The following SNAPC1 variants were observed in gnomAD, a reference collection of about 807,000 sequenced individuals.
SNAPC1 encodes the protein small nuclear RNA activating complex polypeptide 1, also known as snRNA-activating protein complex subunit 1.
Under a neutral mutation model 50.1 loss-of-function variants are expected in SNAPC1, and 42 were observed. The observed-to-expected ratio is 0.84, with a 90% CI of 0.65 to 1.08. SNAPC1 has a LOEUF of 1.08. Ranked by LOEUF, SNAPC1 falls within the 50% of genes least tolerant of loss-of-function variation. The pLI is 0.00. For missense variants in SNAPC1, 477 were observed against 427.3 expected (o/e 1.12, Z -1.02); for synonymous variants, 164 against 144.2 (o/e 1.14, Z -0.98).
chr14:61,784,634 T>C (rs2045101609), intron 8 of SNAPC1, among the ~76,000 whole-genome samples: 1 of 152,240 alleles, frequency 6.6e-6, no homozygotes, highest in Non-Finnish European at 1.5e-5. Context: ...GTGGTTGTAG[T>C]CCAGTAAAAC....
chr14:61,772,501 C>A (rs896460032), intron 4 of SNAPC1, among the ~76,000 whole-genome samples: 1 of 152,164 alleles, frequency 6.6e-6, no homozygotes, highest in Non-Finnish European at 1.5e-5. Flanking sequence ...CCTTGGCCTC[C>A]CAAAGTGCTG....
At chr14:61,770,444 G>T (rs1197047790) in intron 4 of SNAPC1, among the ~76,000 whole-genome samples, 1 of 151,958 alleles carries the variant, frequency 6.6e-6, no homozygotes, top group Non-Finnish European at 1.5e-5. Flanking sequence ...AGGTTTCACT[G>T]TGTTGACCAG....
At chr14:61,767,964 G>C (rs1044530306) in intron 3 of SNAPC1, among the ~76,000 whole-genome samples, 15 of 152,180 alleles carry the variant, frequency 9.9e-5, no homozygotes, top group Non-Finnish European at 4.4e-5. Context: ...ATTTTTAGTA[G>C]AGATGGGGTT....
At chr14:61,783,719 T>TAGTAGAGACGGGGTTG (rs1444753964) in intron 8 of SNAPC1, among the ~76,000 whole-genome samples, 3 of 151,972 alleles carry the variant, frequency 2.0e-5, no homozygotes, top group South Asian at 4.2e-4. Flanking sequence ...TTTGTATTTT[T>TAGTAGAGACGGGGTTG]AGTAGAGACG....
intron 1 of SNAPC1, among the ~76,000 whole-genome samples, chr14:61,763,377 C>T (rs950936856): frequency 6.6e-6 from 1 of 152,004 alleles, no homozygotes; most frequent in African/African-American, 2.4e-5. Flanking sequence ...TTTGGGATAA[C>T]GCTTGAATTC....
chr14:61,794,819 C>T, intron 9 of SNAPC1, 130 bp from the exon 10 acceptor site: 1 of 702,932 alleles, frequency 1.4e-6, no homozygotes, highest in Non-Finnish European at 2.5e-6. Flanking sequence ...TTGTGTTGTA[C>T]CAGTTAGACG....
chr14:61,770,854 G>A (rs1555341188), intron 4 of SNAPC1, among the ~76,000 whole-genome samples: 1 of 152,080 alleles, frequency 6.6e-6, no homozygotes, highest in Non-Finnish European at 1.5e-5. Context: ...TGATACTCAT[G>A]CCTCAGCCTC....
At chr14:61,793,025 A>AC in intron 9 of SNAPC1, 123 bp downstream of exon 9, 1 of 530,890 alleles carries the variant, frequency 1.9e-6, no homozygotes, top group East Asian at 3.3e-5. Flanking sequence ...TTCATCTTTG[A>AC]CCCATTGGAG....
intron 8 of SNAPC1, 41 bp from the exon 9 acceptor site, chr14:61,792,765 AT>A: frequency 6.3e-6 from 7 of 1,119,218 alleles, no homozygotes; most frequent in Non-Finnish European, 9.0e-6. Flanking sequence ...AGATTATAAT[AT>A]TCTTTGCTTT....
chr14:61,775,341 C>T (rs1401524004), intron 4 of SNAPC1, among the ~76,000 whole-genome samples: 5 of 151,832 alleles, frequency 3.3e-5, no homozygotes, highest in African/African-American at 4.8e-5. Flanking sequence ...CTGCAACCTC[C>T]GCCTCCCGGG....
At chr14:61,784,382 TA>T (rs2045100042) in intron 8 of SNAPC1, among the ~76,000 whole-genome samples, 2 of 152,190 alleles carry the variant, frequency 1.3e-5, no homozygotes, top group African/African-American at 4.8e-5. Context: ...ACCACATCAA[TA>T]GGTTAAAGGG....
chr14:61,782,579 T>A (rs2045084016), intron 8 of SNAPC1, among the ~76,000 whole-genome samples, 182 bp downstream of exon 8: 3 of 152,120 alleles, frequency 2.0e-5, no homozygotes, highest in Non-Finnish European at 4.4e-5. Flanking sequence ...AAAGGGATCC[T>A]AGGAATCATA....
rs993790842 is a variant in SNAPC1, at chr14:61,778,913, A to T, written c.825+3A>T. 6.7e-7 allele frequency: 1 copy of T among 1,497,750 alleles called. No individual in the cohort carries two copies. The highest frequency in any genetic ancestry group is 1.4e-5 in the African/African-American group (1 of 70,164). The allele number at this position is 1,497,750 out of a possible 1,614,324, so 92.8% of individuals were successfully genotyped here. A position where few individuals can be genotyped will look rare whatever the true frequency, so the allele number is the denominator to read the frequency against. On this transcript the variant is annotated splice_donor_region_variant and intron_variant, in intron 7 of 9. Coordinates refer to ENST00000216294, the MANE Select transcript of SNAPC1 (RefSeq NM_003082.4). ...AGGCCTTTTCAGTTGTCATACAGGT[A>T]AGTTATTCTTTAATAAGGTAATTTG...
At chr14:61,792,080 G>A (rs2045155828) in intron 8 of SNAPC1, among the ~76,000 whole-genome samples, 1 of 149,288 alleles carries the variant, frequency 6.7e-6, no homozygotes, top group Non-Finnish European at 1.5e-5. Context: ...TGCAGCCTGG[G>A]TGACAGAGTG....
At chr14:61,785,606 T>C (rs2045110374) in intron 8 of SNAPC1, among the ~76,000 whole-genome samples, 1 of 152,130 alleles carries the variant, frequency 6.6e-6, no homozygotes, top group Non-Finnish European at 1.5e-5. Flanking sequence ...CGGGATACAG[T>C]TTGCTTTTAT....
rs779670803 is a variant in SNAPC1, at chr14:61,767,312, G to T, written c.389G>T (p.Arg130Leu). The T allele has an allele frequency of 1.3e-6, 2 of 1,518,798 alleles. No individual in the cohort carries two copies. Among genetic ancestry groups the T allele is most frequent in the South Asian group, 2.7e-5 (2 of 74,982 alleles). The allele number at this position is 1,518,798 out of a possible 1,614,324, so 94.1% of individuals were successfully genotyped here. The stretch of plus-strand genomic sequence containing the variant: ...GCAGCTTATATTTTTAGGAAGCTAC[G>T]ACTAGACAGAGCATTTCACTTTACA... ...FDAAYIFRKL[R>L]LDRAFHFTAM... Residue 130 changes from arginine to leucine, a missense_variant, in exon 3 of 10, where the codon CGA becomes CTA. Transcript: ENST00000216294.
At position 61,776,536 on chromosome 14, in the gene SNAPC1, T is replaced by G. The variant is rs190788123; in HGVS notation, c.693+283T>G. Reference sequence around the variant, plus strand: ...ACAGACTTTATAATTTGGCATTTTTTAGGGGTTGCACACTCAGTCTTTGGG... The same window carrying G: ...ACAGACTTTATAATTTGGCATTTTTGAGGGGTTGCACACTCAGTCTTTGGG... On this transcript the variant is annotated intron_variant, in intron 5 of 9. Coordinates refer to ENST00000216294, the MANE Select transcript of SNAPC1 (RefSeq NM_003082.4). Among the ~76,000 whole-genome samples the G allele has an allele frequency of 2.6e-5, 4 of 152,346 alleles. No individual in the cohort carries two copies. The East Asian group carries it at 7.7e-4, about 29-fold the overall frequency.
chr14:61,775,822 T>C (rs528480785), intron 4 of SNAPC1, among the ~76,000 whole-genome samples: 3 of 152,358 alleles, frequency 2.0e-5, no homozygotes, highest in African/African-American at 7.2e-5. Context: ...AACTGATTTG[T>C]CTTTCCCCAA....
At chr14:61,782,206 C>A in intron 7 of SNAPC1, 41 bp from the exon 8 acceptor site, 1 of 1,411,360 alleles carries the variant, frequency 7.1e-7, no homozygotes, top group South Asian at 1.4e-5. Flanking sequence ...CATTTGGATT[C>A]ATTTTATAAT....
Sources: gnomAD v4.1 joint callset for allele counts (sites outside exome capture counted in the v4.1 genomes callset) on GRCh38, gnomAD v4.1.1 for gene constraint, MANE v1.5 for transcripts, NCBI Gene and HGNC (gene_info 2026-07-23, HGNC 2026-07-21) for gene names.